Variants in RALYL observed in about 807,000 individuals in gnomAD.
RALYL encodes the protein RNA-binding Raly-like protein.
RALYL carries 29 observed loss-of-function variants against 35.1 expected under a neutral mutation model. The ratio of observed to expected loss-of-function variants is 0.83; its 90% CI spans 0.61 to 1.13. The LOEUF is 1.13. Ranked by LOEUF, RALYL falls within the 50% of genes most tolerant of loss-of-function variation. The pLI, the probability that RALYL is intolerant of heterozygous loss-of-function variation, is 0.00. For missense variants in RALYL, 359 were observed against 360.4 expected (o/e 1.00, Z 0.03); for synonymous variants, 120 against 127.6 (o/e 0.94, Z 0.40).
At chr8:84,677,431 A>G (rs1834436651) in intron 2 of RALYL, among the ~76,000 whole-genome samples, 1 of 152,216 alleles carries the variant, frequency 6.6e-6, no homozygotes, top group Non-Finnish European at 1.5e-5. Flanking sequence ...AAAAGTATAA[A>G]TGGGAATAGG....
At chr8:84,371,599 A>C in intron 1 of RALYL, among the ~76,000 whole-genome samples, 1 of 151,740 alleles carries the variant, frequency 6.6e-6, no homozygotes, top group African/African-American at 2.4e-5. Flanking sequence ...AGAAGGGGGC[A>C]GGAAAATTTT....
chr8:84,481,027 T>C (rs1186487558), intron 1 of RALYL, among the ~76,000 whole-genome samples: 1 of 152,172 alleles, frequency 6.6e-6, no homozygotes, highest in Non-Finnish European at 1.5e-5. Context: ...TACTACAAAA[T>C]ACATACTTTG....
intron 2 of RALYL, among the ~76,000 whole-genome samples, chr8:84,741,480 T>C (rs1807292053): frequency 6.6e-6 from 1 of 152,070 alleles, no homozygotes; most frequent in Admixed American, 6.6e-5. Flanking sequence ...AAGGCTGCTC[T>C]CCGCTTCCAA....
intron 1 of RALYL, among the ~76,000 whole-genome samples, chr8:84,389,483 T>C (rs1356137287): frequency 6.6e-6 from 1 of 151,810 alleles, no homozygotes; most frequent in Non-Finnish European, 1.5e-5. Context: ...GAGCATGGAA[T>C]GTTCTTCCAT....
At chr8:84,521,186 G>A (rs1354497776) in intron 1 of RALYL, among the ~76,000 whole-genome samples, 1 of 152,188 alleles carries the variant, frequency 6.6e-6, no homozygotes. Context: ...GCCCTTATAA[G>A]AAGTGGAAGA....
chr8:84,886,428 T>C (rs1315646044), intron 7 of RALYL, among the ~76,000 whole-genome samples: 2 of 152,106 alleles, frequency 1.3e-5, no homozygotes, highest in Non-Finnish European at 2.9e-5. Context: ...CTAAAGTTAT[T>C]TAGCTCTATA....
chr8:84,226,012 A>T (rs939568485), intron 1 of RALYL, among the ~76,000 whole-genome samples: 3 of 152,178 alleles, frequency 2.0e-5, no homozygotes, highest in African/African-American at 7.2e-5. Context: ...AGGAGTTCCC[A>T]ATCCCTGGCT....
At chr8:84,347,748 C>A (rs374035186) in intron 1 of RALYL, among the ~76,000 whole-genome samples, 59 of 152,194 alleles carry the variant, frequency 3.9e-4, no homozygotes, top group African/African-American at 1.3e-3. Context: ...TGTTTCACTG[C>A]AACTGAAATG....
chr8:84,786,787 C>T (rs1342053997), intron 3 of RALYL, among the ~76,000 whole-genome samples: 1 of 152,032 alleles, frequency 6.6e-6, no homozygotes, highest in Non-Finnish European at 1.5e-5. Flanking sequence ...GTTGTCTGTT[C>T]ACTCTGATAA....
chr8:84,568,049 A>G (rs554252149), intron 2 of RALYL, among the ~76,000 whole-genome samples: 1 of 150,060 alleles, frequency 6.7e-6, no homozygotes, highest in African/African-American at 2.4e-5. Context: ...GTTTTTTTTT[A>G]AATTTTATTA....
intron 1 of RALYL, among the ~76,000 whole-genome samples, chr8:84,520,984 C>A (rs1286577992): frequency 6.6e-6 from 1 of 152,114 alleles, no homozygotes; most frequent in Admixed American, 6.5e-5. Context: ...TTCCATTTCC[C>A]CAAAGCTTCA....
At chr8:84,184,727 G>C in intron 1 of RALYL, 1 of 386,476 alleles carries the variant, frequency 2.6e-6, no homozygotes, top group South Asian at 8.3e-5. Flanking sequence ...TGCGGGCCGC[G>C]CCGGCCGGGC....
intron 1 of RALYL, among the ~76,000 whole-genome samples, chr8:84,436,281 T>A (rs1229293748): frequency 6.6e-6 from 1 of 152,046 alleles, no homozygotes. Flanking sequence ...AACATTTGCT[T>A]CTCAGTAGAA....
At chr8:84,655,636 T>C (rs1206322474) in intron 2 of RALYL, among the ~76,000 whole-genome samples, 2 of 152,074 alleles carry the variant, frequency 1.3e-5, no homozygotes, top group Non-Finnish European at 2.9e-5. Flanking sequence ...ATTATTAGAT[T>C]TTTTTTTCCT....
intron 4 of RALYL, among the ~76,000 whole-genome samples, chr8:84,847,143 C>A (rs1834836817): frequency 4.6e-5 from 7 of 152,252 alleles, no homozygotes; most frequent in Admixed American, 3.9e-4. Flanking sequence ...CTGCCCCCTA[C>A]ACAAAATCCC....
intron 4 of RALYL, among the ~76,000 whole-genome samples, chr8:84,832,430 G>A (rs945565382): frequency 6.6e-6 from 1 of 152,036 alleles, no homozygotes; most frequent in Non-Finnish European, 1.5e-5. Flanking sequence ...AAGAATGAAG[G>A]CATCTAAAGC....
At chr8:84,575,279 A>G (rs1338367441) in intron 2 of RALYL, among the ~76,000 whole-genome samples, 1 of 152,150 alleles carries the variant, frequency 6.6e-6, no homozygotes, top group Non-Finnish European at 1.5e-5. Context: ...TAAACATAAA[A>G]TCTTGTATTT....
At chr8:84,526,026 A>G (rs1176825472) in intron 1 of RALYL, among the ~76,000 whole-genome samples, 3 of 139,444 alleles carry the variant, frequency 2.2e-5, no homozygotes, top group African/African-American at 8.2e-5. Flanking sequence ...CTTTCTGCTC[A>G]CTGCAACCTC....
chr8:84,250,252 C>T (rs1037233105), intron 1 of RALYL, among the ~76,000 whole-genome samples: 4 of 152,104 alleles, frequency 2.6e-5, no homozygotes, highest in Admixed American at 6.6e-5. Flanking sequence ...CAATGAGCAA[C>T]TGAGCAGATG....
Sources: gnomAD v4.1 joint callset for allele counts (sites outside exome capture counted in the v4.1 genomes callset) on GRCh38, gnomAD v4.1.1 for gene constraint, MANE v1.5 for transcripts, NCBI Gene and HGNC (gene_info 2026-07-23, HGNC 2026-07-21) for gene names.